Variants in PRPF4 observed in about 807,000 individuals in gnomAD.
PRPF4 encodes the protein pre-mRNA splicing tri-snRNP complex factor PRPF4.
Under a neutral mutation model 72.2 loss-of-function variants are expected in PRPF4, and 14 were observed. The ratio of observed to expected loss-of-function variants is 0.19; its 90% CI spans 0.13 to 0.30. PRPF4 has a LOEUF of 0.30. PRPF4 is among the 10% of genes least tolerant of loss of function. The pLI is 1.00. For missense variants in PRPF4, 478 were observed against 653.9 expected, an observed-to-expected ratio of 0.73 and a Z score of 2.93; for synonymous variants, 225 against 232.2, an observed-to-expected ratio of 0.97 and a Z score of 0.28.
chr9:113,276,698 G>C lies in PRPF4; in HGVS notation c.178G>C (p.Glu60Gln). 6.2e-7 allele frequency: 1 copy of C among 1,613,318 alleles called. No individual in the cohort carries two copies. Among genetic ancestry groups the C allele is most frequent in the Non-Finnish European group, 8.5e-7 (1 of 1,179,714 alleles). The change falls in exon 2 of 14, where the codon GAA becomes CAA. Residue 60 changes from glutamate (E) to glutamine (Q), a missense_variant. Transcript: ENST00000374198. ...GAAAGACGGACTTAAAGCAGGGATC[G>C]AAGCTGGAAATATTAATATAACCTC... ...LGKDGLKAGI[E>Q]AGNINITSGE...
chr9:113,291,363 A>T, intron 13 of PRPF4, 104 bp from the exon 14 acceptor site: 3 of 1,207,936 alleles, frequency 2.5e-6, no homozygotes, highest in Non-Finnish European at 3.5e-6. Flanking sequence ...GTCTGTAGAA[A>T]CAAGTTTTTT....
intron 10 of PRPF4, among the ~76,000 whole-genome samples, chr9:113,290,117 G>A (rs1174807793): frequency 6.6e-6 from 1 of 152,130 alleles, no homozygotes; most frequent in East Asian, 1.9e-4. Flanking sequence ...CTACTCAGAA[G>A]GCTGAGGCAG....
chr9:113,290,428 A>G, intron 10 of PRPF4, 38 bp from the exon 11 acceptor site: 1 of 1,613,580 alleles, frequency 6.2e-7, no homozygotes, highest in Non-Finnish European at 8.5e-7. Flanking sequence ...AACTGAATAA[A>G]TATCAGCTGG....
intron 10 of PRPF4, among the ~76,000 whole-genome samples, chr9:113,289,999 C>A (rs1173771592): frequency 6.6e-6 from 1 of 152,068 alleles, no homozygotes; most frequent in Admixed American, 6.6e-5. Context: ...GTGGGTGGAT[C>A]ACCTGAGCTC....
In PRPF4 at chr9:113,279,077, C is replaced by G; in HGVS notation, c.338C>G (p.Ala113Gly). The G allele has an allele frequency of 6.2e-7, 1 of 1,614,130 alleles. No homozygotes were observed. The highest frequency in any genetic ancestry group is 8.5e-7 in the Non-Finnish European group (1 of 1,180,022). Residue 113 changes from alanine to glycine, a missense_variant, in exon 3 of 14, where the codon GCC (alanine) becomes GGC (glycine). Physicochemically the swap from Ala to Gly is moderately conservative, Grantham distance 60. Coordinates refer to ENST00000374198, the MANE Select transcript of PRPF4 (RefSeq NM_001244926.2). ...TCAGAGGTCAAAGCTTGCCTTAGAG[C>G]CTTGGGGGAACCCATCACACTTTTT... ...DDSEVKACLR[A>G]LGEPITLFGE...
intron 7 of PRPF4, among the ~76,000 whole-genome samples, chr9:113,285,621 G>A (rs531204079): frequency 4.0e-5 from 6 of 151,590 alleles, no homozygotes; most frequent in Admixed American, 6.6e-5. Context: ...CTTGTGATCT[G>A]CCCGCCTTGG....
intron 10 of PRPF4, among the ~76,000 whole-genome samples, chr9:113,289,108 T>C (rs77583222): frequency 1.3e-5 from 2 of 152,388 alleles, no homozygotes; most frequent in East Asian, 3.9e-4. Context: ...ATTATGTCTA[T>C]TCATACTGTG....
rs200916042 is a variant in PRPF4 at position 113,288,142 on chromosome 9, A to G, written c.933-33A>G. The G allele has an allele frequency of 1.9e-4, 297 of 1,602,232 alleles. 4 individuals carry two copies. In the East Asian group the frequency reaches 2.4e-3, roughly 13 times the overall value. Reference sequence around the variant, plus strand: ...CAGTTTTGTGACTATTTATATGTCTATAAAATTGTTTATATGTTTGGTTCC... The same window carrying G: ...CAGTTTTGTGACTATTTATATGTCTGTAAAATTGTTTATATGTTTGGTTCC... On this transcript the variant is annotated intron_variant, in intron 9 of 13. Coordinates refer to ENST00000374198, the MANE Select transcript of PRPF4 (RefSeq NM_001244926.2).
At chr9:113,287,466 GTT>G (rs1203016211) in intron 9 of PRPF4, among the ~76,000 whole-genome samples, 1 of 149,790 alleles carries the variant, frequency 6.7e-6, no homozygotes, top group Non-Finnish European at 1.5e-5. Flanking sequence ...TTAAAAATGT[GTT>G]TATGTGATTG....
At position 113,276,589 on chromosome 9, in the gene PRPF4, C is replaced by G. The variant is rs184248074; in HGVS notation, c.69C>G (p.Val23=). 3.7e-6 allele frequency: 6 copies of G among 1,614,006 alleles called. No individual in the cohort carries two copies. The East Asian group carries it at 1.3e-4, about 36-fold the overall frequency. ...CACCCGACGACTTAGTTGCTCCGGT[C>G]GTGAAGAAACCACACATCTATTATG... ...TKAPDDLVAP[V]VKKPHIYYGS... Residue 23 remains valine (V), a synonymous_variant, in exon 2 of 14, where the codon GTC becomes GTG. Coordinates refer to ENST00000374198, the MANE Select transcript of PRPF4 (RefSeq NM_001244926.2).
intron 6 of PRPF4, among the ~76,000 whole-genome samples, 189 bp downstream of exon 6, chr9:113,283,671 A>G (rs1376875845): frequency 1.3e-5 from 2 of 152,218 alleles, no homozygotes; most frequent in Non-Finnish European, 2.9e-5. Flanking sequence ...TGTATTCAGC[A>G]GAGGCCTATG....
Position 113,292,828 on chromosome 9 carries a change from A to G in PRPF4, c.*1168A>G, listed in dbSNP as rs908514734. ...AACCTAAACCTTTTCTTTATTCCAC[A>G]TTTGCTACGGTAAAATCCTGTTACA... On this transcript the variant is annotated 3_prime_UTR_variant, in exon 14 of 14. Transcript: ENST00000374198. 1 of 152,208 alleles carries G rather than the reference A, an allele frequency of 6.6e-6. No homozygotes were observed. Among genetic ancestry groups the G allele is most frequent in the African/African-American group, 2.4e-5 (1 of 41,456 alleles). The allele number at this position is 152,208 out of a possible 1,614,324, so 9.4% of individuals were successfully genotyped here.
Position 113,279,031 on chromosome 9 carries a change from A to G in PRPF4, c.292A>G (p.Ile98Val). The change falls in exon 3 of 14, where the codon ATC becomes GTC. Residue 98 changes from isoleucine (I) to valine (V), a missense_variant. By Grantham distance (29) the Ile-to-Val change is conservative. Transcript: ENST00000374198. ...TGAGAGAAGGAAGCGAGCCCGGCAG[A>G]TCAATGTTTCCACAGATGACTCAGA... is the stretch of plus-strand genomic sequence containing the variant. The part of the protein sequence containing the change: ...EFERRKRARQ[I>V]NVSTDDSEVK... The G allele has an allele frequency of 1.2e-6, 2 of 1,614,284 alleles. No individual in the cohort carries two copies. The highest frequency in any genetic ancestry group is 1.7e-6 in the Non-Finnish European group (2 of 1,180,044).
At chr9:113,284,480 T>C in intron 7 of PRPF4, 91 bp downstream of exon 7, 1 of 1,049,172 alleles carries the variant, frequency 9.5e-7, no homozygotes, top group African/African-American at 1.6e-5. Flanking sequence ...TATTTCTACG[T>C]CCTCTTTCTC....
At chr9:113,282,487 A>AAT (rs370244839) in intron 3 of PRPF4, among the ~76,000 whole-genome samples, 159 bp from the exon 4 acceptor site, 1 of 150,748 alleles carries the variant, frequency 6.6e-6, no homozygotes, top group Non-Finnish European at 1.5e-5. Flanking sequence ...GAAAAAAAAA[A>AAT]GGTTGCTAGG....
At chr9:113,282,218 A>G (rs942121563) in intron 3 of PRPF4, among the ~76,000 whole-genome samples, 8 of 152,234 alleles carry the variant, frequency 5.3e-5, no homozygotes, top group African/African-American at 1.4e-4. Flanking sequence ...CATGCCCGTA[A>G]TCCCAGCACT....
intron 3 of PRPF4, among the ~76,000 whole-genome samples, chr9:113,281,150 C>T (rs1225919423): frequency 4.6e-5 from 7 of 152,300 alleles, no homozygotes; most frequent in Admixed American, 6.5e-5. Context: ...TGAGCTACCG[C>T]GCCCGGCCTT....
chr9:113,281,393 T>C (rs1832279895), intron 3 of PRPF4, among the ~76,000 whole-genome samples: 1 of 152,210 alleles, frequency 6.6e-6, no homozygotes, highest in Non-Finnish European at 1.5e-5. Flanking sequence ...AAATGAATCC[T>C]TTGAGTCACT....
At chr9:113,276,166 C>T (rs1832088018) in intron 1 of PRPF4, among the ~76,000 whole-genome samples, 1 of 152,180 alleles carries the variant, frequency 6.6e-6, no homozygotes, top group Non-Finnish European at 1.5e-5. Flanking sequence ...AACTTGTTAT[C>T]CTTTAGCACC....
Sources: gnomAD v4.1 joint callset for allele counts (sites outside exome capture counted in the v4.1 genomes callset) on GRCh38, gnomAD v4.1.1 for gene constraint, MANE v1.5 for transcripts, NCBI Gene and HGNC (gene_info 2026-07-23, HGNC 2026-07-21) for gene names.